Variants in CASK observed in about 807,000 individuals in gnomAD.
CASK encodes peripheral plasma membrane protein CASK.
A neutral mutation model predicts 82.9 loss-of-function variants in CASK; 4 were observed. The ratio of observed to expected loss-of-function variants is 0.05; its 90% CI spans 0.02 to 0.11. CASK has a LOEUF of 0.11. Ranked by LOEUF, CASK falls within the 10% of genes least tolerant of loss-of-function variation. The pLI, the probability that CASK is intolerant of heterozygous loss-of-function variation, is 1.00. For synonymous variants in CASK, 259 were observed against 253.5 expected (o/e 1.02, Z -0.20); for missense variants, 358 against 720.9 (o/e 0.50, Z 5.76).
At chrX:41,808,501 T>C (rs1381331409) in intron 2 of CASK, among the ~76,000 whole-genome samples, 1 of 112,348 alleles carries the variant, frequency 8.9e-6, no homozygotes, top group African/African-American at 3.2e-5. Flanking sequence ...TAAAACTCTG[T>C]AATAGTCTGT....
chrX:41,594,760 G>GTAAC (rs1262936932), intron 12 of CASK, among the ~76,000 whole-genome samples: 1 of 111,805 alleles, frequency 8.9e-6, no homozygotes, highest in East Asian at 2.8e-4. Flanking sequence ...AAGCTATGTG[G>GTAAC]TAACCCCTGG....
chrX:41,563,092 G>T (rs1202542782), intron 16 of CASK, among the ~76,000 whole-genome samples: 1 of 103,056 alleles, frequency 9.7e-6, no homozygotes, highest in African/African-American at 3.5e-5. Context: ...TGGGCATGGT[G>T]GCTCATGTCT....
At chrX:41,595,101 A>T (rs1016779905) in intron 12 of CASK, among the ~76,000 whole-genome samples, 7 of 111,969 alleles carry the variant, frequency 6.3e-5, no homozygotes, top group African/African-American at 9.8e-5. Flanking sequence ...AAATAGATTT[A>T]AAAAAAATTC....
chrX:41,773,715 T>G (rs764782846), intron 3 of CASK, among the ~76,000 whole-genome samples: 1 of 111,888 alleles, frequency 8.9e-6, no homozygotes, highest in East Asian at 2.8e-4. Context: ...ATGTGACTAC[T>G]GAATGCTGCA....
chrX:41,603,262 C>T (rs2065916623), intron 12 of CASK, among the ~76,000 whole-genome samples: 1 of 112,318 alleles, frequency 8.9e-6, no homozygotes, highest in Admixed American at 9.5e-5. Context: ...CCCCAAATTG[C>T]TCAAAAACAT....
intron 1 of CASK, among the ~76,000 whole-genome samples, chrX:41,921,414 G>A (rs1260687133): frequency 1.8e-5 from 2 of 111,919 alleles, no homozygotes; most frequent in East Asian, 2.8e-4. Flanking sequence ...GAAATGTTAA[G>A]TTTGGATCTA....
At chrX:41,658,637 A>G (rs1362236963) in intron 8 of CASK, among the ~76,000 whole-genome samples, 1 of 111,532 alleles carries the variant, frequency 9.0e-6, no homozygotes, top group Non-Finnish European at 1.9e-5. Flanking sequence ...AAGAGGTGGG[A>G]GAGGGGAGAT....
intron 12 of CASK, among the ~76,000 whole-genome samples, chrX:41,608,475 T>C (rs1449565311): frequency 1.8e-5 from 2 of 112,020 alleles, no homozygotes; most frequent in African/African-American, 6.5e-5. Flanking sequence ...ATTTACATCA[T>C]ATGGTGAATT....
In CASK at chrX:41,586,921, G is replaced by C; in HGVS notation, c.1300C>G (p.Gln434Glu). 8.6e-7 allele frequency: 1 copy of C among 1,163,987 alleles called. No individual in the cohort carries two copies. The stretch of plus-strand genomic sequence containing the variant: ...TTATTACTTACCATGAAATGAGGTT[G>C]TGTTAAAATACGCTTTAGTTCCTTT... ...DAKELKRILT[Q>E]PHFMALLQTH... The change falls in exon 14 of 27, where the codon CAA becomes GAA. Residue 434 changes from glutamine to glutamate, a missense_variant. By Grantham distance (29) the Gln-to-Glu change is conservative. Coordinates refer to ENST00000378163, the MANE Select transcript of CASK (RefSeq NM_001367721.1).
intron 1 of CASK, among the ~76,000 whole-genome samples, chrX:41,886,250 T>C (rs2072045396): frequency 8.9e-6 from 1 of 111,883 alleles, no homozygotes; most frequent in South Asian, 3.7e-4. Flanking sequence ...TCAATTAACA[T>C]CTCACTATCA....
chrX:41,633,766 CT>C (rs1247479508), intron 9 of CASK, among the ~76,000 whole-genome samples: 50 of 102,978 alleles, frequency 4.9e-4, no homozygotes, highest in Admixed American at 6.3e-4. Context: ...TCTTTTTTCT[CT>C]TTTTTTTTTT....
chrX:41,824,613 G>A (rs1006892985), intron 2 of CASK, among the ~76,000 whole-genome samples: 2 of 111,861 alleles, frequency 1.8e-5, no homozygotes, highest in African/African-American at 6.5e-5. Context: ...TGCTGGCAAG[G>A]TACTCTCCTT....
rs929042481 is a variant in CASK at position 41,620,747 on chromosome X, G to A, written c.1033+1870C>T. On this transcript the variant is annotated intron_variant, in intron 11 of 26. Coordinates refer to ENST00000378163, the MANE Select transcript of CASK (RefSeq NM_001367721.1). ...CAAGTTATAAGCAATAATGAATCCT[G>A]TAATGGAAACTGTATTTTGGACATA... is the stretch of plus-strand genomic sequence containing the variant. 3.6e-5 allele frequency among the ~76,000 whole-genome samples: 4 copies of A among 111,914 alleles called. No homozygotes were observed. In the Admixed American group the frequency reaches 3.8e-4, roughly 11 times the overall value.
chrX:41,550,243 C>G (rs2065078334), intron 21 of CASK, among the ~76,000 whole-genome samples: 1 of 112,144 alleles, frequency 8.9e-6, no homozygotes, highest in African/African-American at 3.2e-5. Context: ...CCCCATCTTG[C>G]ATTTTCCAGA....
At chrX:41,537,057 T>C (rs192217787) in intron 22 of CASK, among the ~76,000 whole-genome samples, 9 of 112,134 alleles carry the variant, frequency 8.0e-5, no homozygotes, top group Non-Finnish European at 7.5e-5. Context: ...CCGAATGGTA[T>C]ATACACACAC....
At chrX:41,880,516 C>T (rs113527967) in intron 1 of CASK, among the ~76,000 whole-genome samples, 378 of 111,336 alleles carry the variant, frequency 3.4e-3, no homozygotes, top group African/African-American at 0.011. Flanking sequence ...TAATAATTTC[C>T]TCCCACTTGA....
At chrX:41,682,423 C>T (rs1273289958) in intron 5 of CASK, among the ~76,000 whole-genome samples, 1 of 100,483 alleles carries the variant, frequency 1.0e-5, no homozygotes, top group Non-Finnish European at 2.0e-5. Context: ...CATGGTAGCG[C>T]GTGCCTGTAG....
chrX:41,573,505 T>C (rs941898281), intron 15 of CASK, among the ~76,000 whole-genome samples: 29 of 111,591 alleles, frequency 2.6e-4, no homozygotes, highest in African/African-American at 9.1e-4. Context: ...TTTTCATCTT[T>C]AAAAATTCTT....
At chrX:41,613,195 GA>G (rs1292496631) in intron 11 of CASK, among the ~76,000 whole-genome samples, 1 of 112,125 alleles carries the variant, frequency 8.9e-6, no homozygotes, top group African/African-American at 3.2e-5. Context: ...GGAAAGGGGG[GA>G]AAGGTGGGGA....
Sources: gnomAD v4.1 joint callset for allele counts (sites outside exome capture counted in the v4.1 genomes callset) on GRCh38, gnomAD v4.1.1 for gene constraint, MANE v1.5 for transcripts, NCBI Gene and HGNC (gene_info 2026-07-23, HGNC 2026-07-21) for gene names.